FRY: variants seen among roughly 807,000 people sequenced by gnomAD.
The protein encoded by FRY is protein furry homolog.
Under a neutral mutation model 348.4 loss-of-function variants are expected in FRY, and 128 were observed. That is an observed-to-expected ratio of 0.37 (90% confidence interval 0.32 to 0.43). The LOEUF (loss-of-function observed/expected upper bound fraction) is 0.43. Among genes scored for constraint, FRY ranks in the 20% least tolerant of loss-of-function variants. The probability of loss-of-function intolerance (pLI) is 1.00; values close to 1 mark genes in which losing one functional copy is unlikely to be tolerated. For missense variants in FRY, 2,736 were observed against 3,695.2 expected (o/e 0.74, Z 6.73); for synonymous variants, 1,370 against 1,374.7 (o/e 1.00, Z 0.08).
At chr13:32,178,067 A>G in intron 20 of FRY, 110 bp from the exon 21 acceptor site, 2 of 1,112,736 alleles carry the variant, frequency 1.8e-6, no homozygotes, top group Non-Finnish European at 1.4e-6. Flanking sequence ...AAGCCAGCCC[A>G]GTGCACTCAG....
chr13:32,267,592 C>T (rs534200945), intron 55 of FRY, among the ~76,000 whole-genome samples: 2 of 152,260 alleles, frequency 1.3e-5, no homozygotes, highest in Non-Finnish European at 2.9e-5. Context: ...TTCATTCCTG[C>T]ATCTCTTGGT....
chr13:32,136,769 G>T lies in FRY; in HGVS notation c.1078-102G>T, dbSNP rs1469760587. On this transcript the variant is annotated intron_variant, in intron 10 of 60. Coordinates refer to ENST00000542859, the MANE Select transcript of FRY (RefSeq NM_023037.3). ...CACAGTGTCCTGTTTCTTGCCCACA[G>T]GGCCCCCGAGGGAGATGGCAAGGTA... 13 of 800,654 alleles carry T rather than the reference G, an allele frequency of 1.6e-5. No homozygotes were observed. In the Admixed American group the frequency reaches 2.1e-4, roughly 13 times the overall value. The allele number at this position is 800,654 out of a possible 1,614,324, so 49.6% of individuals were successfully genotyped here. A position where few individuals can be genotyped will look rare whatever the true frequency, so the allele number is the denominator to read the frequency against.
Position 32,239,124 on chromosome 13 carries a change from A to G in FRY, c.6419-128A>G, listed in dbSNP as rs980144973. On this transcript the variant is annotated intron_variant, in intron 44 of 60. Transcript: ENST00000542859. The surrounding 1 kb of genome is among the most constrained non-coding windows in gnomAD (Gnocchi z 4.3). ...TTTTTCATAGATTTTGTGTTAGATCATGTTTAAGCTGATTCAAAAAACTGC... is the reference window on the plus strand; with the variant it reads ...TTTTTCATAGATTTTGTGTTAGATCGTGTTTAAGCTGATTCAAAAAACTGC... The G allele has an allele frequency of 4.2e-6, 3 of 715,448 alleles. No individual in the cohort carries two copies. Among genetic ancestry groups the G allele is most frequent in the South Asian group, 1.4e-5 (1 of 69,618 alleles). The allele number at this position is 715,448 out of a possible 1,614,324, so 44.3% of individuals were successfully genotyped here.
chr13:32,068,390 C>T lies in FRY; in HGVS notation c.71-10444C>T, dbSNP rs921859573. 3.9e-5 allele frequency among the ~76,000 whole-genome samples: 6 copies of T among 152,188 alleles called. No homozygotes were observed. The East Asian group carries it at 5.8e-4, about 15-fold the overall frequency. On this transcript the variant is annotated intron_variant, in intron 1 of 60. Transcript: ENST00000542859. ...ATTATCCTGCCTCTAGCAGGTTATTCGATCTCCTTTTGGTGAGAAAGGACC... is the reference window on the plus strand; with the variant it reads ...ATTATCCTGCCTCTAGCAGGTTATTTGATCTCCTTTTGGTGAGAAAGGACC...
chr13:32,252,364 C>CA (rs1483877032), intron 50 of FRY, among the ~76,000 whole-genome samples: 1 of 152,134 alleles, frequency 6.6e-6, no homozygotes, highest in Non-Finnish European at 1.5e-5. Flanking sequence ...ATCTTACCCA[C>CA]ATACAATAAA....
At position 32,031,848 on chromosome 13, in the gene FRY, T is replaced by G. The variant is rs1872236120; in HGVS notation, c.53T>G (p.Leu18Arg). Reference sequence around the variant, plus strand: ...TTTGAGATCAGTATCAAATATTTACTGAAATCCTGGAGTAATAGTGAGTAA... The same window carrying G: ...TTTGAGATCAGTATCAAATATTTACGGAAATCCTGGAGTAATAGTGAGTAA... ...GFFEISIKYL[L>R]KSWSNTSPVG... The change falls in exon 1 of 61, where the codon CTG becomes CGG. Residue 18 changes from leucine to arginine, a missense_variant. Physicochemically the swap from Leu to Arg is moderately radical, Grantham distance 102. Coordinates refer to ENST00000542859, the MANE Select transcript of FRY (RefSeq NM_023037.3). The G allele has an allele frequency of 6.3e-7, 1 of 1,586,276 alleles. No homozygotes were observed. Among genetic ancestry groups the G allele is most frequent in the Non-Finnish European group, 8.7e-7 (1 of 1,156,032 alleles).
intron 47 of FRY, among the ~76,000 whole-genome samples, chr13:32,245,981 C>T (rs1407496927): frequency 1.3e-5 from 2 of 152,174 alleles, no homozygotes; most frequent in African/African-American, 2.4e-5. Context: ...AAGTGACTTC[C>T]AAGCATTTTT....
chr13:32,055,658 C>T (rs1004406876), intron 1 of FRY, among the ~76,000 whole-genome samples: 1 of 151,974 alleles, frequency 6.6e-6, no homozygotes, highest in Non-Finnish European at 1.5e-5. Context: ...AGAAACAGAA[C>T]CTGTGCAATA....
At position 32,201,809 on chromosome 13, in the gene FRY, G is replaced by T. The variant is rs1668400741; in HGVS notation, c.3747-132G>T. ...TAGCAAAAGAAGGAAGCAAAAAATG[G>T]CCAGACGGGGGTAAGAATGTCACTA... On this transcript the variant is annotated intron_variant, in intron 29 of 60. Transcript: ENST00000542859. The T allele has an allele frequency of 4.4e-6, 3 of 675,202 alleles. No homozygotes were observed. The South Asian group carries it at 4.9e-5, about 11-fold the overall frequency. 41.8% of individuals were successfully genotyped at this position (675,202 alleles called of 1,614,324 possible).
intron 4 of FRY, among the ~76,000 whole-genome samples, chr13:32,122,895 G>A (rs550702446): frequency 7.9e-5 from 12 of 152,196 alleles, no homozygotes; most frequent in South Asian, 2.1e-4. Context: ...TACTAACAAC[G>A]ACTAAGCGGA....
intron 51 of FRY, among the ~76,000 whole-genome samples, chr13:32,255,986 A>G (rs566200798): frequency 1.3e-5 from 2 of 152,338 alleles, no homozygotes; most frequent in East Asian, 3.9e-4. Flanking sequence ...TGTTATGTGA[A>G]ACGACCTAGC....
rs34392238 is a variant in FRY, at chr13:32,090,350, C to CAAA, written c.270+11337_270+11339dup. Reference sequence around the variant, plus strand: ...TGGGCGACAGAGCTGGACTCCATCTCAAAAAAAAAAAAAAAAAAAAAAGGA... The same window carrying CAAA: ...TGGGCGACAGAGCTGGACTCCATCTCAAAAAAAAAAAAAAAAAAAAAAAAAGGA... On this transcript the variant is annotated intron_variant, in intron 2 of 60. Coordinates refer to ENST00000542859, the MANE Select transcript of FRY (RefSeq NM_023037.3). Among the ~76,000 whole-genome samples the CAAA allele has an allele frequency of 7.5e-3, 438 of 58,460 alleles. 8 individuals carry two copies. The highest frequency in any genetic ancestry group is 0.057 in the Admixed American group (252 of 4,392). The allele number at this position is 58,460 out of a possible 152,430, so 38.4% of individuals were successfully genotyped here. A position where few individuals can be genotyped will look rare whatever the true frequency, so the allele number is the denominator to read the frequency against.
At chr13:32,187,757 CAT>C in intron 28 of FRY, 101 bp downstream of exon 28, 1 of 723,182 alleles carries the variant, frequency 1.4e-6, no homozygotes, top group East Asian at 2.6e-5. Flanking sequence ...CCTCTTCACA[CAT>C]CAGCCACACA....
chr13:32,137,085 T>G, intron 11 of FRY, 113 bp downstream of exon 11: 5 of 728,536 alleles, frequency 6.9e-6, no homozygotes, highest in Non-Finnish European at 1.3e-5. Flanking sequence ...AATTGTCCTA[T>G]ACTGGTGGAA....
At chr13:32,094,523 TC>T (rs1357025864) in intron 2 of FRY, among the ~76,000 whole-genome samples, 1 of 152,130 alleles carries the variant, frequency 6.6e-6, no homozygotes, top group African/African-American at 2.4e-5. Flanking sequence ...CCACTATCCT[TC>T]CCAGCCTCTA....
rs1344122957 is a variant in FRY, at chr13:32,124,475, C to A, written c.555+99C>A. ...AGTTTTTAAAATTATTTCTGAATTC[C>A]AAATACTGGGTTATATGACTTATGT... On this transcript the variant is annotated intron_variant, in intron 5 of 60. Transcript: ENST00000542859. The A allele has an allele frequency of 4.6e-6, 4 of 871,780 alleles. No homozygotes were observed. In the Admixed American group the frequency reaches 8.7e-5, roughly 19 times the overall value. The allele number at this position is 871,780 out of a possible 1,614,324, so 54.0% of individuals were successfully genotyped here.
intron 8 of FRY, among the ~76,000 whole-genome samples, chr13:32,133,977 G>T (rs966508599): frequency 1.1e-4 from 17 of 151,556 alleles, no homozygotes; most frequent in African/African-American, 4.1e-4. Context: ...ACAGGGTTTG[G>T]CCATGTCACC....
At chr13:32,080,328 G>A (rs1875395689) in intron 2 of FRY, among the ~76,000 whole-genome samples, 1 of 152,078 alleles carries the variant, frequency 6.6e-6, no homozygotes, top group African/African-American at 2.4e-5. Flanking sequence ...TACTTACTAT[G>A]TACTAGGCAT....
rs1566147362 is a variant in FRY at position 32,225,826 on chromosome 13, CA to C, written c.5064del (p.Lys1688AsnfsTer7). 6.2e-7 allele frequency: 1 copy of C among 1,614,054 alleles called. No individual in the cohort carries two copies. Reference sequence around the variant, plus strand: ...ACCGGCCTGAAGTCTTTGAACACAGCAAAAAACTGCTTCTTCACCTCTTGAT... The same window carrying C: ...ACCGGCCTGAAGTCTTTGAACACAGCAAAAACTGCTTCTTCACCTCTTGAT... ...HYRPEVFEHS[K>X]KLLLHLLIAL... On this transcript the variant is annotated frameshift_variant, in exon 39 of 61. Coordinates refer to ENST00000542859, the MANE Select transcript of FRY (RefSeq NM_023037.3). LOFTEE classifies it high-confidence loss of function.
Sources: allele counts gnomAD v4.1 joint callset (sites outside exome capture counted in the v4.1 genomes callset), GRCh38; gene constraint gnomAD v4.1.1; non-coding constraint Gnocchi (gnomAD v3.1); transcripts MANE v1.5; gene names NCBI Gene and HGNC (gene_info 2026-07-23, HGNC 2026-07-21).